Variants in DNHD1 observed in about 807,000 individuals in gnomAD.
DNHD1 encodes dynein heavy chain domain-containing protein 1.
A neutral mutation model predicts 458.1 loss-of-function variants in DNHD1; 383 were observed. The observed-to-expected ratio is 0.84, with a 90% CI of 0.77 to 0.91. The LOEUF is 0.91. Among genes scored for constraint, DNHD1 ranks in the 40% least tolerant of loss-of-function variants. The pLI is 0.00. For missense variants in DNHD1, 5,336 were observed against 5,866.1 expected (o/e 0.91, Z 2.95); for synonymous variants, 2,203 against 2,376.9 (o/e 0.93, Z 2.13).
intron 18 of DNHD1, 88 bp downstream of exon 18, chr11:6,540,171 T>C: frequency 1.7e-6 from 2 of 1,204,920 alleles, no homozygotes; most frequent in East Asian, 2.6e-5. Context: ...CCAGATCTGA[T>C]TCTCTAGCCA....
rs1853759837 is a variant in DNHD1, at chr11:6,568,480, C to G, written c.12565C>G (p.Leu4189Val). The G allele has an allele frequency of 6.2e-7, 1 of 1,613,742 alleles. No homozygotes were observed. The highest frequency in any genetic ancestry group is 1.1e-5 in the South Asian group (1 of 91,070). The stretch of plus-strand genomic sequence containing the variant: ...GGTTGCAGACCTGGAATCAGAACAG[C>G]TTTTAGACCAACCTGAAAGCAGGAA... ...KVVADLESEQ[L>V]LDQPESRNVS... The change falls in exon 38 of 43, where the codon CTT (leucine) becomes GTT (valine). Residue 4189 changes from leucine to valine, a missense_variant. Physicochemically the swap from Leu to Val is conservative, Grantham distance 32. Around this residue, in one of 4 missense-constraint regions of DNHD1, gnomAD observed 695 missense variants for 804.2 expected, o/e 0.86. Coordinates refer to ENST00000254579, the MANE Select transcript of DNHD1 (RefSeq NM_144666.3).
chr11:6,533,301 G>T, intron 13 of DNHD1, 117 bp downstream of exon 13: 2 of 1,100,874 alleles, frequency 1.8e-6, no homozygotes, highest in Non-Finnish European at 2.5e-6. Context: ...CTCTTAAACT[G>T]TGCTCGCCTA....
At chr11:6,503,079 T>C in intron 4 of DNHD1, 153 bp downstream of exon 4, 1 of 755,638 alleles carries the variant, frequency 1.3e-6, no homozygotes, top group Middle Eastern at 3.5e-4. Context: ...TCTTCCCTTC[T>C]CCTCAGCCTC....
At chr11:6,553,812 A>T (rs1027921269) in intron 24 of DNHD1, among the ~76,000 whole-genome samples, 5 of 152,220 alleles carry the variant, frequency 3.3e-5, no homozygotes, top group African/African-American at 4.8e-5. Flanking sequence ...TGTACACTGA[A>T]AATGACTAAA....
At position 6,548,300 on chromosome 11, in the gene DNHD1, T is replaced by C; in HGVS notation, c.6996T>C (p.Asp2332=). 2 of 1,551,724 alleles carry C rather than the reference T, an allele frequency of 1.3e-6. No homozygotes were observed. The highest frequency in any genetic ancestry group is 1.7e-6 in the Non-Finnish European group (2 of 1,147,000). Residue 2332 remains aspartate (D), a synonymous_variant, in exon 23 of 43, where the codon GAT becomes GAC. Transcript: ENST00000254579. This position sits in a 1 kb window ranked among gnomAD's most constrained non-coding sequence, Gnocchi z 4.4. ...PEPPPSALVF[D]LHVSPEDGTL... ...CACCACCCTCAGCCTTGGTGTTTGA[T>C]CTACATGTAAGCCCTGAAGATGGAA...
intron 16 of DNHD1, 37 bp downstream of exon 16, chr11:6,538,847 A>C: frequency 6.8e-7 from 1 of 1,464,406 alleles, no homozygotes; most frequent in Non-Finnish European, 9.1e-7. Flanking sequence ...GGGAAAGGGA[A>C]ATATGTGAGG....
intron 10 of DNHD1, 87 bp from the exon 11 acceptor site, chr11:6,528,435 G>GTA: frequency 8.2e-7 from 1 of 1,223,186 alleles, no homozygotes. Context: ...GTGTGTGTGT[G>GTA]TACACACACT....
chr11:6,563,615 A>T (rs1223044831), intron 30 of DNHD1, 51 bp downstream of exon 30: 2 of 1,547,358 alleles, frequency 1.3e-6, no homozygotes, highest in South Asian at 2.4e-5. Context: ...ATAAAGGGAC[A>T]CTTGGCAAGG....
In DNHD1 at chr11:6,498,193, A is replaced by G. The variant is rs1218037084; in HGVS notation, c.-23A>G. Reference sequence around the variant, plus strand: ...GAGCTATGGGCAAGGTCACTTCGACAGCAGTTGAATGCCCAGCTCCTCATG... The same window carrying G: ...GAGCTATGGGCAAGGTCACTTCGACGGCAGTTGAATGCCCAGCTCCTCATG... On this transcript the variant is annotated 5_prime_UTR_variant, in exon 3 of 43. Transcript: ENST00000254579. The G allele has an allele frequency of 3.1e-5, 49 of 1,596,002 alleles. No homozygotes were observed. Among genetic ancestry groups the G allele is most frequent in the Non-Finnish European group, 4.0e-5 (47 of 1,169,252 alleles).
At chr11:6,559,583 C>A (rs564139018) in intron 28 of DNHD1, among the ~76,000 whole-genome samples, 3 of 152,332 alleles carry the variant, frequency 2.0e-5, no homozygotes, top group Admixed American at 2.0e-4. Context: ...TGTAGATTCC[C>A]ATGGGGGTTG....
chr11:6,546,937 A>G lies in DNHD1; in HGVS notation c.5998A>G (p.Thr2000Ala). The G allele has an allele frequency of 1.3e-6, 2 of 1,551,570 alleles. No individual in the cohort carries two copies. The highest frequency in any genetic ancestry group is 1.7e-6 in the Non-Finnish European group (2 of 1,146,900). ...GGGCCCTGCGGGCAGCGGCAAGACC[A>G]CTTGTTGGCACAGCTTATTTAAGAT... ...LLGPAGSGKTTCWHSLFKIQN... is the reference protein window; with the variant it reads ...LLGPAGSGKTACWHSLFKIQN... Residue 2000 changes from threonine (T) to alanine (A), a missense_variant, in exon 21 of 43, where the codon ACT becomes GCT. Thr to Ala is a moderately conservative substitution (Grantham distance 58). Transcript: ENST00000254579.
At position 6,565,995 on chromosome 11, in the gene DNHD1, A is replaced by C; in HGVS notation, c.11053+4A>C. The C allele has an allele frequency of 6.4e-7, 1 of 1,551,440 alleles. No individual in the cohort carries two copies. Reference sequence around the variant, plus strand: ...CTCCAGGAGGCAGCTGCTTGTGGTGAGAGCTGGTCCCCACCCACCCTGGCC... The same window carrying C: ...CTCCAGGAGGCAGCTGCTTGTGGTGCGAGCTGGTCCCCACCCACCCTGGCC... On this transcript the variant is annotated splice_donor_region_variant and intron_variant, in intron 33 of 42. Transcript: ENST00000254579.
At chr11:6,570,164 G>A (rs764699323) in intron 40 of DNHD1, 64 bp downstream of exon 40, 21 of 1,613,134 alleles carry the variant, frequency 1.3e-5, no homozygotes, top group Non-Finnish European at 1.7e-5. Flanking sequence ...GAGGGTGGGG[G>A]TGGGATACAA....
In DNHD1 at chr11:6,557,413, C is replaced by T. The variant is rs142463326; in HGVS notation, c.8118C>T (p.Pro2706=). ...SEEEEEEERV[P]EVESEGELAQ... The stretch of plus-strand genomic sequence containing the variant: ...AGGAGGAGGAGGAGGAGAGGGTGCC[C>T]GAAGTAGAATCTGAAGGGGAGTTGG... The change falls in exon 25 of 43, where the codon CCC becomes CCT. Residue 2706 remains proline (P), a synonymous_variant. Coordinates refer to ENST00000254579, the MANE Select transcript of DNHD1 (RefSeq NM_144666.3). The T allele has an allele frequency of 1.2e-4, 181 of 1,550,930 alleles. 1 individual carries two copies. The East Asian group carries it at 4.2e-3, about 36-fold the overall frequency.
intron 10 of DNHD1, 113 bp from the exon 11 acceptor site, chr11:6,528,409 G>GTGTGTA: frequency 3.1e-6 from 3 of 967,672 alleles, no homozygotes; most frequent in Middle Eastern, 2.6e-4. Context: ...GAATGGGTGT[G>GTGTGTA]TGTGTGTGTG....
chr11:6,562,283 G>A (rs2134452608), intron 28 of DNHD1, among the ~76,000 whole-genome samples: 1 of 152,292 alleles, frequency 6.6e-6, no homozygotes, highest in African/African-American at 2.4e-5. Flanking sequence ...CACAGGAGAG[G>A]AGTCAGATTG....
Position 6,564,553 on chromosome 11 carries a change from T to C in DNHD1, c.10505T>C (p.Leu3502Pro). Residue 3502 changes from leucine (L) to proline (P), a missense_variant, in exon 32 of 43, where the codon CTG becomes CCG. Physicochemically the swap from Leu to Pro is moderately conservative, Grantham distance 98. Around this residue, in one of 4 missense-constraint regions of DNHD1, gnomAD observed 3,932 missense variants for 4,365.6 expected, o/e 0.90. Coordinates refer to ENST00000254579, the MANE Select transcript of DNHD1 (RefSeq NM_144666.3). The part of the protein sequence containing the change: ...SVSIPPKNPL[L>P]ATHSPFSILS... Reference sequence around the variant, plus strand: ...AGCATACCACCAAAGAACCCCCTGCTGGCTACACACTCTCCCTTCAGTATT... The same window carrying C: ...AGCATACCACCAAAGAACCCCCTGCCGGCTACACACTCTCCCTTCAGTATT... 5 of 1,551,740 alleles carry C rather than the reference T, an allele frequency of 3.2e-6. No individual in the cohort carries two copies. The highest frequency in any genetic ancestry group is 4.4e-6 in the Non-Finnish European group (5 of 1,146,986).
In DNHD1 at chr11:6,520,270, G is replaced by A. The variant is rs890082715; in HGVS notation, c.1818G>A (p.Ser606=). 55 of 1,552,146 alleles carry A rather than the reference G, an allele frequency of 3.5e-5. No homozygotes were observed. Among genetic ancestry groups the A allele is most frequent in the Middle Eastern group, 1.7e-4 (1 of 5,988 alleles). Residue 606 remains serine (S), a synonymous_variant, in exon 10 of 43, where the codon TCG becomes TCA. Coordinates refer to ENST00000254579, the MANE Select transcript of DNHD1 (RefSeq NM_144666.3). ...VVQSADLKTS[S]DSLYSEEEDE... ...AGTCTGCAGACCTGAAGACCTCCTC[G>A]GATTCCCTGTATTCTGAAGGTATTT... is the stretch of plus-strand genomic sequence containing the variant.
intron 7 of DNHD1, among the ~76,000 whole-genome samples, chr11:6,519,119 C>G (rs1329381085): frequency 6.6e-6 from 1 of 152,170 alleles, no homozygotes; most frequent in Non-Finnish European, 1.5e-5. Context: ...TCCCTCTCCT[C>G]TAATAGAAAG....
Sources: allele counts gnomAD v4.1 joint callset (sites outside exome capture counted in the v4.1 genomes callset), GRCh38; gene constraint gnomAD v4.1.1; regional missense constraint gnomAD v4.1.1; non-coding constraint Gnocchi (gnomAD v3.1); transcripts MANE v1.5; gene names NCBI Gene and HGNC (gene_info 2026-07-23, HGNC 2026-07-21).